Variants in C4orf36 observed in about 807,000 individuals in gnomAD.
C4orf36 encodes the protein uncharacterized protein C4orf36.
A neutral mutation model predicts 12.2 loss-of-function variants in C4orf36; 11 were observed. That is an observed-to-expected ratio of 0.90 (90% CI 0.57 to 1.49). The LOEUF (loss-of-function observed/expected upper bound fraction) is 1.49. Ranked by LOEUF, C4orf36 falls within the 40% of genes most tolerant of loss-of-function variation. The pLI, the probability that C4orf36 is intolerant of heterozygous loss-of-function variation, is 0.00. For synonymous variants in C4orf36, 54 were observed against 51.3 expected (o/e 1.05, Z -0.22); for missense variants, 137 against 133.9 (o/e 1.02, Z -0.11).
chr4:86,887,141 A>C (rs1747207061), intron 4 of C4orf36: 1 of 152,146 alleles, frequency 6.6e-6, no homozygotes, highest in African/African-American at 2.4e-5. Flanking sequence ...GAGGGATAGC[A>C]TTAGGAGATA....
intron 4 of C4orf36, among the ~76,000 whole-genome samples, chr4:86,877,106 C>G (rs1300122009): frequency 2.0e-5 from 3 of 152,146 alleles, no homozygotes; most frequent in African/African-American, 7.2e-5. Context: ...AAAAATACAG[C>G]ATGAATCTTT....
chr4:86,926,804 C>T, the C4orf36 span, among the ~76,000 whole-genome samples: 16 of 152,274 alleles, frequency 1.1e-4, no homozygotes, highest in South Asian at 2.3e-3. Flanking sequence ...ATGTGCCTGC[C>T]GTACAATCCT....
the C4orf36 span, among the ~76,000 whole-genome samples, chr4:86,898,585 A>G: frequency 6.6e-6 from 1 of 152,144 alleles, no homozygotes; most frequent in East Asian, 1.9e-4. Context: ...TTAGTTTGAA[A>G]CTAGGAGAAA....
At chr4:86,892,136 G>A (rs1360265868) in intron 1 of C4orf36, 47 bp downstream of exon 1, 13 of 985,496 alleles carry the variant, frequency 1.3e-5, no homozygotes, top group African/African-American at 3.5e-5. Flanking sequence ...GCCGCCCACA[G>A]AGCCCGCGGA....
Position 86,888,237 on chromosome 4 carries a change from C to T in C4orf36, c.104G>A (p.Trp35Ter). The change falls in exon 3 of 5, where the codon TGG becomes TAG. Residue 35 changes from tryptophan to a stop codon, truncating the protein, a stop_gained. Coordinates refer to ENST00000295898, the MANE Select transcript of C4orf36 (RefSeq NM_144645.4). LOFTEE classifies it high-confidence loss of function. Reference protein sequence around the residue: ...PWDIALLAKTWSTNLANIKLP... With the variant: ...PWDIALLAKT ...CTTGATATTGGCTAGGTTTGTGGAC[C>T]AGGTCTTTGCAAGCAATGCAATATC... 1.9e-6 allele frequency: 3 copies of T among 1,614,054 alleles called. No homozygotes were observed. Among genetic ancestry groups the T allele is most frequent in the South Asian group, 1.1e-5 (1 of 91,030 alleles).
chr4:86,911,135 G>A, the C4orf36 span, among the ~76,000 whole-genome samples: 2 of 152,064 alleles, frequency 1.3e-5, no homozygotes, highest in African/African-American at 4.8e-5. Context: ...AGAATTGAGG[G>A]CTGAAACCAA....
At chr4:86,921,017 T>A in the C4orf36 span, among the ~76,000 whole-genome samples, 1 of 151,692 alleles carries the variant, frequency 6.6e-6, no homozygotes, top group Admixed American at 6.6e-5. Context: ...AATACAAAAT[T>A]AACCGGGCAT....
chr4:86,913,332 G>A, the C4orf36 span: 1 of 816,352 alleles, frequency 1.2e-6, no homozygotes, highest in Non-Finnish European at 2.1e-6. Context: ...TGTCAGTAGT[G>A]CAAAATTTGC....
the C4orf36 span, chr4:86,935,066 C>T: frequency 6.6e-6 from 1 of 152,034 alleles, no homozygotes; most frequent in Non-Finnish European, 1.5e-5. Flanking sequence ...CCGCCGCCTG[C>T]GCGCGTTGCG....
At chr4:86,919,268 T>G in the C4orf36 span, among the ~76,000 whole-genome samples, 1 of 151,586 alleles carries the variant, frequency 6.6e-6, no homozygotes, top group Non-Finnish European at 1.5e-5. Flanking sequence ...ATTTTTTACA[T>G]GACCAGGCTG....
At chr4:86,910,635 TGG>T in the C4orf36 span, among the ~76,000 whole-genome samples, 2 of 152,138 alleles carry the variant, frequency 1.3e-5, no homozygotes, top group Admixed American at 1.3e-4. Context: ...AAGTTGATCC[TGG>T]AAGAAACAGG....
At chr4:86,890,616 T>C (rs1747371136) in intron 2 of C4orf36, among the ~76,000 whole-genome samples, 1 of 152,218 alleles carries the variant, frequency 6.6e-6, no homozygotes, top group Non-Finnish European at 1.5e-5. Flanking sequence ...TTTCTCTGAA[T>C]TTCTTATAGC....
the C4orf36 span, among the ~76,000 whole-genome samples, chr4:86,900,795 A>G: frequency 8.5e-5 from 13 of 152,282 alleles, no homozygotes; most frequent in Non-Finnish European, 4.4e-5. Flanking sequence ...AGTCAGATGC[A>G]TGGGCCCTGC....
chr4:86,921,817 T>C, the C4orf36 span, among the ~76,000 whole-genome samples: 1 of 152,200 alleles, frequency 6.6e-6, no homozygotes, highest in Non-Finnish European at 1.5e-5. Flanking sequence ...CTGTACCCAT[T>C]AAGCAATAAC....
At chr4:86,891,243 T>G (rs918096202) in intron 2 of C4orf36, among the ~76,000 whole-genome samples, 1 of 148,226 alleles carries the variant, frequency 6.7e-6, no homozygotes, top group African/African-American at 2.5e-5. Flanking sequence ...CACTTGAAAG[T>G]GTTGTGTTGT....
At chr4:86,913,530 C>T in the C4orf36 span, 1 of 889,962 alleles carries the variant, frequency 1.1e-6, no homozygotes, top group Non-Finnish European at 1.9e-6. Context: ...GGTCAGGCAG[C>T]CTCGGTCATC....
At chr4:86,931,801 C>T in the C4orf36 span, among the ~76,000 whole-genome samples, 25 of 144,754 alleles carry the variant, frequency 1.7e-4, no homozygotes, top group East Asian at 1.9e-3. Context: ...TTTGGGAGGC[C>T]GAGGCGGGTG....
the C4orf36 span, among the ~76,000 whole-genome samples, chr4:86,903,604 GCAA>G: frequency 2.0e-5 from 3 of 152,196 alleles, no homozygotes; most frequent in Middle Eastern, 3.2e-3. Context: ...AGAGAAAGCA[GCAA>G]CAACATTTAT....
At chr4:86,878,989 A>G (rs1263814269) in intron 4 of C4orf36, among the ~76,000 whole-genome samples, 2 of 152,260 alleles carry the variant, frequency 1.3e-5, no homozygotes, top group African/African-American at 4.8e-5. Flanking sequence ...CACTCTAGCC[A>G]GGCTGACTGG....
Sources: allele counts gnomAD v4.1 joint callset (sites outside exome capture counted in the v4.1 genomes callset), GRCh38; gene constraint gnomAD v4.1.1; transcripts MANE v1.5; gene names NCBI Gene and HGNC (gene_info 2026-07-23, HGNC 2026-07-21).